The following GABRR2 variants were observed in gnomAD, a reference collection of about 807,000 sequenced individuals.
The protein encoded by GABRR2 is gamma-aminobutyric acid type A receptor subunit rho2.
Under a neutral mutation model 47.0 loss-of-function variants are expected in GABRR2, and 36 were observed. The ratio of observed to expected loss-of-function variants is 0.77; its 90% CI spans 0.59 to 1.01. The LOEUF (loss-of-function observed/expected upper bound fraction) is 1.01. Among genes scored for constraint, GABRR2 ranks in the 50% least tolerant of loss-of-function variants. The probability of loss-of-function intolerance (pLI) is 0.00; values close to 1 mark genes in which losing one functional copy is unlikely to be tolerated. For synonymous variants in GABRR2, 204 were observed against 227.5 expected (o/e 0.90, Z 0.93); for missense variants, 587 against 594.6 (o/e 0.99, Z 0.13).
Position 89,258,124 on chromosome 6 carries a change from A to G in GABRR2, c.1087-143T>C, listed in dbSNP as rs761835183. 17 of 767,146 alleles carry G rather than the reference A, an allele frequency of 2.2e-5. No homozygotes were observed. The African/African-American group carries it at 2.3e-4, about 10-fold the overall frequency. The allele number at this position is 767,146 out of a possible 1,614,324, so 47.5% of individuals were successfully genotyped here. A position where few individuals can be genotyped will look rare whatever the true frequency, so the allele number is the denominator to read the frequency against. ...AGATCTCCAGAGGTTACTTAGTCCAACGATCCTCTACCGTGGCTGCATATT... is the reference window on the plus strand; with the variant it reads ...AGATCTCCAGAGGTTACTTAGTCCAGCGATCCTCTACCGTGGCTGCATATT... On this transcript the variant is annotated intron_variant, in intron 8 of 8. Transcript: ENST00000402938.
chr6:89,257,846 C>T lies in GABRR2; in HGVS notation c.1222G>A (p.Val408Met), dbSNP rs199597189. ...LTEEERQDKI[V>M]VHLGLSGEAN... ...TCACCACTCAGGCCCAGGTGGACCA[C>T]TATTTTGTCTTGCCTTTCTTCTTCT... Residue 408 changes from valine to methionine, a missense_variant, in exon 9 of 9, where the codon GTG (valine) becomes ATG (methionine). Physicochemically the swap from Val to Met is conservative, Grantham distance 21. Coordinates refer to ENST00000402938, the MANE Select transcript of GABRR2 (RefSeq NM_002043.5). The T allele has an allele frequency of 1.9e-6, 3 of 1,614,066 alleles. No homozygotes were observed. Among genetic ancestry groups the T allele is most frequent in the East Asian group, 2.2e-5 (1 of 44,886 alleles).
chr6:89,288,710 A>C (rs1774379435), intron 2 of GABRR2, among the ~76,000 whole-genome samples: 1 of 152,072 alleles, frequency 6.6e-6, no homozygotes, highest in Non-Finnish European at 1.5e-5. Flanking sequence ...GAATACAGAT[A>C]GCTCACTCCA....
In GABRR2 at chr6:89,255,149, G is replaced by T. The variant is rs565201855; in HGVS notation, c.*2521C>A. ...CTGGGAGAGTCTCTATAGATAAAAGGTTTCTGGCCGGGTGTGGTGGCTCAC... is the reference window on the plus strand; with the variant it reads ...CTGGGAGAGTCTCTATAGATAAAAGTTTTCTGGCCGGGTGTGGTGGCTCAC... On this transcript the variant is annotated 3_prime_UTR_variant, in exon 9 of 9. Transcript: ENST00000402938. Among the ~76,000 whole-genome samples the T allele has an allele frequency of 7.2e-5, 11 of 152,242 alleles. No homozygotes were observed. Among genetic ancestry groups the T allele is most frequent in the Admixed American group, 2.0e-4 (3 of 15,282 alleles).
chr6:89,282,434 G>A (rs554378438), intron 2 of GABRR2, among the ~76,000 whole-genome samples: 2 of 152,306 alleles, frequency 1.3e-5, no homozygotes, highest in South Asian at 4.1e-4. Flanking sequence ...TATCTTCACA[G>A]TGAAAAAACC....
rs1276147668 is a variant in GABRR2 at position 89,315,149 on chromosome 6, C to T, written c.17G>A (p.Arg6Lys). The T allele has an allele frequency of 6.2e-7, 1 of 1,613,872 alleles. No homozygotes were observed. The highest frequency in any genetic ancestry group is 1.7e-5 in the Admixed American group (1 of 60,014). The change falls in exon 1 of 9, where the codon AGA (arginine) becomes AAA (lysine). Residue 6 changes from arginine (R) to lysine (K), a missense_variant. Transcript: ENST00000402938. MPYFTRLILFLFCLMV... is the reference protein window; with the variant it reads MPYFTKLILFLFCLMV... Reference sequence around the variant, plus strand: ...CAAGCAAAACAAGAACAAAATGAGTCTTGTAAAATAAGGCATTTTGTGGAC... The same window carrying T: ...CAAGCAAAACAAGAACAAAATGAGTTTTGTAAAATAAGGCATTTTGTGGAC...
In GABRR2 at chr6:89,315,050, T is replaced by C. The variant is rs748499069; in HGVS notation, c.113+3A>G. ...CTCCCTCCTTTCCCACCTATGACTTTACCTTGGCTTGGGCATTTCCACCTG... is the reference window on the plus strand; with the variant it reads ...CTCCCTCCTTTCCCACCTATGACTTCACCTTGGCTTGGGCATTTCCACCTG... On this transcript the variant is annotated splice_donor_region_variant and intron_variant, in intron 1 of 8. Transcript: ENST00000402938. The C allele has an allele frequency of 1.6e-5, 26 of 1,612,574 alleles. No homozygotes were observed. Among genetic ancestry groups the C allele is most frequent in the Middle Eastern group, 3.3e-4 (2 of 6,058 alleles).
At chr6:89,310,234 C>T (rs1184534579) in intron 1 of GABRR2, among the ~76,000 whole-genome samples, 1 of 152,146 alleles carries the variant, frequency 6.6e-6, no homozygotes, top group Admixed American at 6.5e-5. Flanking sequence ...CCATCTTCCA[C>T]AGGCTGCTGG....
intron 1 of GABRR2, among the ~76,000 whole-genome samples, chr6:89,305,716 G>A (rs1767547660): frequency 6.6e-6 from 1 of 152,126 alleles, no homozygotes. Flanking sequence ...AATACCACAT[G>A]TATTCTTACT....
chr6:89,299,936 A>C (rs757541536), intron 1 of GABRR2, 71 bp from the exon 2 acceptor site: 5 of 997,830 alleles, frequency 5.0e-6, no homozygotes, highest in Non-Finnish European at 8.0e-6. Flanking sequence ...TTGGGCTATT[A>C]CTCCCTGCAA....
intron 2 of GABRR2, 136 bp downstream of exon 2, chr6:89,299,623 G>A (rs1774614835): frequency 3.2e-6 from 2 of 625,208 alleles, no homozygotes; most frequent in Non-Finnish European, 5.8e-6. Context: ...AGGGACTCAG[G>A]AAATGGAGTC....
chr6:89,308,565 C>A lies in GABRR2; in HGVS notation c.113+6488G>T, dbSNP rs186092278. 2.6e-5 allele frequency among the ~76,000 whole-genome samples: 4 copies of A among 152,290 alleles called. No homozygotes were observed. The East Asian group carries it at 7.7e-4, about 29-fold the overall frequency. ...TAATATAAAAGTTAGCCTGCCCACC[C>A]CAGATTCCCCTATAAGCCAGGGCTT... On this transcript the variant is annotated intron_variant, in intron 1 of 8. Transcript: ENST00000402938.
At chr6:89,260,766 C>A (rs1773726745) in intron 8 of GABRR2, among the ~76,000 whole-genome samples, 1 of 152,102 alleles carries the variant, frequency 6.6e-6, no homozygotes, top group Non-Finnish European at 1.5e-5. Context: ...TGTCTCAAAC[C>A]CGGGAATCTA....
intron 2 of GABRR2, among the ~76,000 whole-genome samples, chr6:89,298,209 C>T: frequency 6.6e-6 from 1 of 152,146 alleles, no homozygotes. Context: ...TCTCCTTCTG[C>T]TTAGCAGGTG....
In GABRR2 at chr6:89,301,712, A is replaced by T; in HGVS notation, c.114-1847T>A. ...TGAGAATTGCAAAAACACCACTCAA[A>T]GAAATCAGAGATGTCAGCAGCCAGC... On this transcript the variant is annotated intron_variant, in intron 1 of 8. Coordinates refer to ENST00000402938, the MANE Select transcript of GABRR2 (RefSeq NM_002043.5). 8 of 622,672 alleles carry T rather than the reference A, an allele frequency of 1.3e-5. No homozygotes were observed. In the South Asian group the frequency reaches 1.3e-4, roughly 10 times the overall value. 38.6% of individuals were successfully genotyped at this position (622,672 alleles called of 1,614,324 possible). A position where few individuals can be genotyped will look rare whatever the true frequency, so the allele number is the denominator to read the frequency against.
In GABRR2 at chr6:89,273,117, G is replaced by C. The variant is rs146092762; in HGVS notation, c.221-1395C>G. ...AAACGTGAAAGAAAATAAGTACAAT[G>C]CTTTAATTTTTCCCTCTCAGATAAA... On this transcript the variant is annotated intron_variant, in intron 2 of 8. Transcript: ENST00000402938. Among the ~76,000 whole-genome samples, 401 of 152,318 alleles carry C rather than the reference G, an allele frequency of 2.6e-3. 3 individuals carry two copies. The highest frequency in any genetic ancestry group is 9.4e-3 in the African/African-American group (389 of 41,580).
chr6:89,256,843 T>C lies in GABRR2; in HGVS notation c.*827A>G, dbSNP rs559405003. ...GCAAAATTAGTGCTATCTGTGTAAC[T>C]TCACTGGAGGAGGATAGTTGAAAGT... On this transcript the variant is annotated 3_prime_UTR_variant, in exon 9 of 9. Coordinates refer to ENST00000402938, the MANE Select transcript of GABRR2 (RefSeq NM_002043.5). Among the ~76,000 whole-genome samples the C allele has an allele frequency of 2.6e-5, 4 of 152,316 alleles. No individual in the cohort carries two copies. The highest frequency in any genetic ancestry group is 2.1e-4 in the South Asian group (1 of 4,824).
At chr6:89,299,656 T>C (rs1158474435) in intron 2 of GABRR2, 103 bp downstream of exon 2, 9 of 724,388 alleles carry the variant, frequency 1.2e-5, no homozygotes, top group African/African-American at 3.5e-5. Flanking sequence ...GTGGGAAAAT[T>C]GCACCATCTG....
At chr6:89,302,056 T>C in intron 1 of GABRR2, 1 of 651,786 alleles carries the variant, frequency 1.5e-6, no homozygotes. Context: ...ATTTAATCTT[T>C]GGTCAGAGTG....
chr6:89,299,568 A>G (rs1377013658), intron 2 of GABRR2, among the ~76,000 whole-genome samples, 191 bp downstream of exon 2: 1 of 152,168 alleles, frequency 6.6e-6, no homozygotes, highest in East Asian at 1.9e-4. Flanking sequence ...TCTTTAGTCA[A>G]CGGCCCTCTC....
Sources: allele counts gnomAD v4.1 joint callset (sites outside exome capture counted in the v4.1 genomes callset), GRCh38; gene constraint gnomAD v4.1.1; transcripts MANE v1.5; gene names NCBI Gene and HGNC (gene_info 2026-07-23, HGNC 2026-07-21).